TAFA5: variants seen among roughly 807,000 people sequenced by gnomAD.
TAFA5 encodes chemokine-like protein TAFA-5.
Under a neutral mutation model 15.3 loss-of-function variants are expected in TAFA5, and 6 were observed. The ratio of observed to expected loss-of-function variants is 0.39; its 90% CI spans 0.21 to 0.77. The LOEUF is 0.77. Ranked by LOEUF, TAFA5 falls within the 30% of genes least tolerant of loss-of-function variation. The pLI, the probability that TAFA5 is intolerant of heterozygous loss-of-function variation, is 0.41. For synonymous variants in TAFA5, 103 were observed against 80.7 expected (o/e 1.28, Z -1.48); for missense variants, 161 against 193.1 (o/e 0.83, Z 0.98).
intron 1 of TAFA5, among the ~76,000 whole-genome samples, chr22:48,525,579 G>A (rs570746069): frequency 5.9e-5 from 9 of 152,282 alleles, no homozygotes; most frequent in South Asian, 2.1e-4. Flanking sequence ...CTGCCTCAGC[G>A]GTCCCCAGGC....
At chr22:48,594,699 C>A (rs1016943957) in intron 1 of TAFA5, among the ~76,000 whole-genome samples, 1 of 152,212 alleles carries the variant, frequency 6.6e-6, no homozygotes, top group African/African-American at 2.4e-5. Flanking sequence ...CAGACTGCCA[C>A]TCAGTGGTCC....
intron 1 of TAFA5, among the ~76,000 whole-genome samples, chr22:48,641,919 A>T (rs1926694409): frequency 6.6e-6 from 1 of 152,194 alleles, no homozygotes; most frequent in Admixed American, 6.5e-5. Context: ...ATTTAAAAAC[A>T]AAAAAAGATG....
At chr22:48,748,851 G>A (rs779514138) in intron 3 of TAFA5, among the ~76,000 whole-genome samples, 6 of 152,194 alleles carry the variant, frequency 3.9e-5, no homozygotes, top group South Asian at 2.1e-4. Context: ...GCCTAACCCA[G>A]GTGGGCAGGT....
chr22:48,725,561 A>G (rs1017132060), intron 3 of TAFA5, among the ~76,000 whole-genome samples: 92 of 152,306 alleles, frequency 6.0e-4, no homozygotes, highest in African/African-American at 2.1e-3. Context: ...GAAGGCAGAC[A>G]TCCAAGGGTT....
chr22:48,654,101 C>CA (rs1927150966), intron 2 of TAFA5, among the ~76,000 whole-genome samples: 1 of 152,134 alleles, frequency 6.6e-6, no homozygotes, highest in Admixed American at 6.5e-5. Flanking sequence ...CCTGTCCCGT[C>CA]ACGTTGGCGC....
At chr22:48,683,808 C>A (rs536494504) in intron 2 of TAFA5, among the ~76,000 whole-genome samples, 5 of 152,276 alleles carry the variant, frequency 3.3e-5, no homozygotes, top group African/African-American at 1.2e-4. Context: ...ATCATGGGCG[C>A]GGTTTTCCCC....
chr22:48,498,510 A>G, intron 1 of TAFA5, among the ~76,000 whole-genome samples: 1 of 152,084 alleles, frequency 6.6e-6, no homozygotes, highest in East Asian at 1.9e-4. Context: ...GCTAGAGTGG[A>G]AAACTCAAAC....
rs1247358649 is a variant in TAFA5, at chr22:48,734,378, G to T, written c.391-15461G>T. 9.2e-5 allele frequency among the ~76,000 whole-genome samples: 14 copies of T among 152,162 alleles called. 1 individual carries two copies. The highest frequency in any genetic ancestry group is 4.4e-5 in the Non-Finnish European group (3 of 68,040). ...TAAGATTTGAATCCAGTTTCCCATG[G>T]GTTTTCAGAATTTCACAAGATGATT... is the stretch of plus-strand genomic sequence containing the variant. On this transcript the variant is annotated intron_variant, in intron 3 of 3. Transcript: ENST00000402357.
At chr22:48,576,406 C>A in intron 1 of TAFA5, 1 of 1,244,654 alleles carries the variant, frequency 8.0e-7, no homozygotes, top group African/African-American at 1.6e-5. Flanking sequence ...GAGGCTGCAC[C>A]CGGCGGGGCG....
chr22:48,650,655 A>G (rs935202076), intron 2 of TAFA5, among the ~76,000 whole-genome samples: 3 of 152,152 alleles, frequency 2.0e-5, no homozygotes, highest in African/African-American at 7.2e-5. Context: ...TGGGTGAACC[A>G]TGTCCCTGCC....
chr22:48,730,712 G>T (rs1007533307), intron 3 of TAFA5, among the ~76,000 whole-genome samples: 1 of 151,996 alleles, frequency 6.6e-6, no homozygotes, highest in Non-Finnish European at 1.5e-5. Flanking sequence ...GTTGTCTTGG[G>T]GCACCACAAA....
At chr22:48,578,323 G>T (rs774541284) in intron 1 of TAFA5, among the ~76,000 whole-genome samples, 4 of 152,204 alleles carry the variant, frequency 2.6e-5, no homozygotes, top group Non-Finnish European at 4.4e-5. Flanking sequence ...CTTCCTTTCT[G>T]CCTCGCCCTG....
At chr22:48,614,571 C>T (rs998626230) in intron 1 of TAFA5, among the ~76,000 whole-genome samples, 2 of 152,258 alleles carry the variant, frequency 1.3e-5, no homozygotes, top group East Asian at 1.9e-4. Context: ...CTCCTTGCCT[C>T]GTGGTTAAAG....
intron 1 of TAFA5, among the ~76,000 whole-genome samples, chr22:48,553,534 G>C (rs1400596246): frequency 6.6e-6 from 1 of 152,224 alleles, no homozygotes; most frequent in Admixed American, 6.5e-5. Context: ...GGGAGAGGGT[G>C]AGGAGGCGTC....
At chr22:48,500,551 G>C (rs1388265865) in intron 1 of TAFA5, among the ~76,000 whole-genome samples, 1 of 152,256 alleles carries the variant, frequency 6.6e-6, no homozygotes, top group African/African-American at 2.4e-5. Context: ...GAGGAGGAAG[G>C]GGGTGTGGAA....
At chr22:48,534,988 G>T (rs191959210) in intron 1 of TAFA5, among the ~76,000 whole-genome samples, 1 of 151,978 alleles carries the variant, frequency 6.6e-6, no homozygotes, top group African/African-American at 2.4e-5. Context: ...CTGGCCACTC[G>T]TGGGTCCCCA....
intron 2 of TAFA5, chr22:48,693,477 A>G: frequency 1.3e-6 from 2 of 1,574,264 alleles, no homozygotes; most frequent in Non-Finnish European, 1.7e-6. Context: ...AACCATGGGT[A>G]GATGAGGAAG....
intron 1 of TAFA5, among the ~76,000 whole-genome samples, chr22:48,573,502 C>T (rs190330280): frequency 1.2e-3 from 182 of 152,116 alleles, no homozygotes; most frequent in African/African-American, 4.0e-3. Flanking sequence ...GCACCCAGGG[C>T]CTCTTTGGTC....
Position 48,699,224 on chromosome 22 carries a change from T to G in TAFA5, c.263-8493T>G, listed in dbSNP as rs145724349. On this transcript the variant is annotated intron_variant, in intron 2 of 3. Coordinates refer to ENST00000402357, the MANE Select transcript of TAFA5 (RefSeq NM_001082967.3). ...CTGGGATTACAGGCGTGAGCCACCG[T>G]GCCCTGCTGACAACGCCTTTTAAGG... 3.9e-4 allele frequency among the ~76,000 whole-genome samples: 59 copies of G among 152,274 alleles called. No homozygotes were observed. The East Asian group carries it at 0.011, about 28-fold the overall frequency.
Sources: allele counts gnomAD v4.1 joint callset (sites outside exome capture counted in the v4.1 genomes callset), GRCh38; gene constraint gnomAD v4.1.1; transcripts MANE v1.5; gene names NCBI Gene and HGNC (gene_info 2026-07-23, HGNC 2026-07-21).